The following SPATA6 variants were observed in gnomAD, a reference collection of about 807,000 sequenced individuals.
The protein encoded by SPATA6 is spermatogenesis-associated protein 6.
A neutral mutation model predicts 65.3 loss-of-function variants in SPATA6; 56 were observed. The ratio of observed to expected loss-of-function variants is 0.86; its 90% CI spans 0.69 to 1.07. SPATA6 has a LOEUF of 1.07. Ranked by LOEUF, SPATA6 falls within the 50% of genes least tolerant of loss-of-function variation. The probability of loss-of-function intolerance (pLI) is 0.00; values close to 1 mark genes in which losing one functional copy is unlikely to be tolerated. For missense variants in SPATA6, 590 were observed against 594.8 expected (o/e 0.99, Z 0.08); for synonymous variants, 199 against 213.2 (o/e 0.93, Z 0.58).
chr1:48,344,252 TAGA>T (rs1646299860), intron 11 of SPATA6: 1 of 152,148 alleles, frequency 6.6e-6, no homozygotes, highest in South Asian at 2.1e-4. Context: ...GAAGGATACA[TAGA>T]AGATTAGCAT....
chr1:48,388,796 C>T (rs949272784), intron 8 of SPATA6, among the ~76,000 whole-genome samples: 4 of 151,910 alleles, frequency 2.6e-5, no homozygotes, highest in African/African-American at 9.7e-5. Context: ...GCAACCTCCG[C>T]CTCCTGGGTT....
chr1:48,444,148 T>C (rs1655782613), intron 3 of SPATA6, among the ~76,000 whole-genome samples: 1 of 152,216 alleles, frequency 6.6e-6, no homozygotes, highest in Admixed American at 6.5e-5. Context: ...TGGAGAACTT[T>C]TGTGTCTAGC....
intron 9 of SPATA6, among the ~76,000 whole-genome samples, chr1:48,365,375 T>C (rs1355320671): frequency 6.6e-6 from 1 of 152,206 alleles, no homozygotes; most frequent in Non-Finnish European, 1.5e-5. Context: ...ATTGAATCTG[T>C]AAATTACTTT....
chr1:48,389,926 A>T (rs1649874325), intron 8 of SPATA6, among the ~76,000 whole-genome samples: 1 of 152,200 alleles, frequency 6.6e-6, no homozygotes, highest in Non-Finnish European at 1.5e-5. Context: ...CCAAACCACA[A>T]TGACAAACAA....
At chr1:48,324,418 G>T (rs1411624543) in intron 11 of SPATA6, among the ~76,000 whole-genome samples, 6 of 152,078 alleles carry the variant, frequency 3.9e-5, no homozygotes, top group Non-Finnish European at 7.4e-5. Flanking sequence ...CAATAACCCT[G>T]ATGAACATTG....
intron 3 of SPATA6, among the ~76,000 whole-genome samples, chr1:48,418,231 A>T (rs1479518346): frequency 1.1e-4 from 16 of 152,184 alleles, no homozygotes; most frequent in Admixed American, 1.0e-3. Flanking sequence ...TGAATACATC[A>T]TGCTTCTTCT....
the SPATA6 span, among the ~76,000 whole-genome samples, chr1:48,283,697 A>AAAAGAAAG: frequency 7.2e-3 from 87 of 12,006 alleles, 5 homozygotes; most frequent in East Asian, 0.11. Context: ...AAAAAAAAAA[A>AAAAGAAAG]AAAGAAAGAA....
chr1:48,309,393 A>T (rs1645143522), intron 11 of SPATA6, among the ~76,000 whole-genome samples: 2 of 152,210 alleles, frequency 1.3e-5, no homozygotes, highest in African/African-American at 4.8e-5. Flanking sequence ...GAGTCCTTCT[A>T]ATAAATTTTT....
intron 5 of SPATA6, among the ~76,000 whole-genome samples, chr1:48,407,977 T>C (rs1417834949): frequency 2.0e-5 from 3 of 152,318 alleles, no homozygotes; most frequent in Non-Finnish European, 4.4e-5. Flanking sequence ...TATTTGTTCA[T>C]TGTATGTTTC....
chr1:48,410,681 TACATGG>T (rs1310869830), intron 5 of SPATA6, among the ~76,000 whole-genome samples: 1 of 152,162 alleles, frequency 6.6e-6, no homozygotes, highest in Non-Finnish European at 1.5e-5. Flanking sequence ...CAAATCATCT[TACATGG>T]CAGCAGGCGA....
chr1:48,415,875 T>C (rs925851244), intron 3 of SPATA6, among the ~76,000 whole-genome samples: 6 of 152,106 alleles, frequency 3.9e-5, no homozygotes, highest in African/African-American at 1.4e-4. Context: ...TCCCTAGGCA[T>C]GTCATATTCA....
chr1:48,394,442 T>A (rs1650382086), intron 8 of SPATA6, among the ~76,000 whole-genome samples: 4 of 152,108 alleles, frequency 2.6e-5, no homozygotes, highest in African/African-American at 7.2e-5. Flanking sequence ...GTATGTAACA[T>A]CTGTTTCTAA....
At chr1:48,270,151 T>G in the SPATA6 span, among the ~76,000 whole-genome samples, 6 of 152,126 alleles carry the variant, frequency 3.9e-5, no homozygotes, top group South Asian at 4.1e-4. Context: ...CCAGAGGAAG[T>G]GCATCCTAAG....
At chr1:48,339,581 G>T (rs1646151686) in intron 11 of SPATA6, among the ~76,000 whole-genome samples, 3 of 152,002 alleles carry the variant, frequency 2.0e-5, no homozygotes, top group Admixed American at 2.0e-4. Flanking sequence ...CTATAAAAAT[G>T]AATCAAGGAG....
intron 11 of SPATA6, among the ~76,000 whole-genome samples, chr1:48,317,721 G>T (rs1570090760): frequency 6.6e-6 from 1 of 151,706 alleles, no homozygotes; most frequent in Middle Eastern, 3.4e-3. Flanking sequence ...AAAGCACATG[G>T]CTTCATGGTG....
chr1:48,325,796 G>A (rs142839776), intron 11 of SPATA6: 6 of 444,558 alleles, frequency 1.3e-5, no homozygotes, highest in East Asian at 5.1e-5. Context: ...GGAATCAGTC[G>A]GAATTTGCTG....
At chr1:48,277,533 C>CA in the SPATA6 span, among the ~76,000 whole-genome samples, 3 of 152,190 alleles carry the variant, frequency 2.0e-5, no homozygotes, top group Non-Finnish European at 4.4e-5. Flanking sequence ...TTATATCCCG[C>CA]ACTTGGCTCG....
At chr1:48,379,314 G>T (rs969258626) in intron 9 of SPATA6, among the ~76,000 whole-genome samples, 10 of 152,120 alleles carry the variant, frequency 6.6e-5, no homozygotes, top group Admixed American at 2.6e-4. Context: ...TCTCTCTCTC[G>T]ACAGGTGGGA....
intron 11 of SPATA6, among the ~76,000 whole-genome samples, chr1:48,342,060 T>C (rs905588129): frequency 6.6e-6 from 1 of 152,154 alleles, no homozygotes; most frequent in South Asian, 2.1e-4. Flanking sequence ...TTTGGAAGAA[T>C]ACAAATGCAA....
Sources: gnomAD v4.1 joint callset for allele counts (sites outside exome capture counted in the v4.1 genomes callset) on GRCh38, gnomAD v4.1.1 for gene constraint, MANE v1.5 for transcripts, NCBI Gene and HGNC (gene_info 2026-07-23, HGNC 2026-07-21) for gene names.